INSL6: variants seen among roughly 807,000 people sequenced by gnomAD.
The protein encoded by INSL6 is insulin like 6.
In INSL6, 16 loss-of-function variants were observed where a neutral mutation model predicts 9.4. That is an observed-to-expected ratio of 1.70 (90% confidence interval 1.15 to 2.59). The LOEUF is 2.59. INSL6 is among the 30% of genes most tolerant of loss of function. INSL6 has a pLI of 0.00. For synonymous variants in INSL6, 154 were observed against 96.9 expected, an observed-to-expected ratio of 1.59 and a Z score of -3.46; for missense variants, 391 against 257.3, an observed-to-expected ratio of 1.52 and a Z score of -3.56.
chr9:5,139,808 T>C (rs1309113047), intron 2 of INSL6, among the ~76,000 whole-genome samples: 2 of 152,186 alleles, frequency 1.3e-5, no homozygotes, highest in Non-Finnish European at 2.9e-5. Context: ...TGCTAAATTA[T>C]TTTATTTTTA....
At chr9:5,057,435 T>C in the INSL6 span, among the ~76,000 whole-genome samples, 1 of 152,098 alleles carries the variant, frequency 6.6e-6, no homozygotes, top group Non-Finnish European at 1.5e-5. Flanking sequence ...CATTTTTAAG[T>C]GTACAGTTTA....
At chr9:5,129,112 T>G (rs1349941274) in intron 3 of INSL6, among the ~76,000 whole-genome samples, 7 of 152,066 alleles carry the variant, frequency 4.6e-5, no homozygotes. Context: ...AACTATAACT[T>G]CTGGTATTTA....
chr9:5,104,812 T>C, the INSL6 span, among the ~76,000 whole-genome samples: 3 of 152,170 alleles, frequency 2.0e-5, no homozygotes, highest in South Asian at 4.1e-4. Flanking sequence ...AAAAACCACA[T>C]GATTATTTCA....
the INSL6 span, among the ~76,000 whole-genome samples, chr9:5,106,508 T>C: frequency 6.6e-6 from 1 of 152,184 alleles, no homozygotes; most frequent in Admixed American, 6.5e-5. Flanking sequence ...CTCAAGGATC[T>C]AGAACTAGAA....
downstream of INSL6, among the ~76,000 whole-genome samples, chr9:5,160,576 T>G (rs115927767): frequency 4.6e-5 from 7 of 151,998 alleles, no homozygotes; most frequent in African/African-American, 1.7e-4. Context: ...CCAAAGTTAA[T>G]AGAAGAAAAT....
chr9:5,179,632 G>A (rs1354135895), intron 1 of INSL6, among the ~76,000 whole-genome samples: 2 of 152,188 alleles, frequency 1.3e-5, no homozygotes, highest in African/African-American at 4.8e-5. Flanking sequence ...TAGAAAACTT[G>A]CTACACATAC....
At chr9:5,182,982 C>G (rs991760483) in intron 1 of INSL6, among the ~76,000 whole-genome samples, 5 of 152,112 alleles carry the variant, frequency 3.3e-5, no homozygotes, top group Non-Finnish European at 7.4e-5. Flanking sequence ...TTTTCTGTGT[C>G]AGACTCAAGT....
the INSL6 span, chr9:5,112,336 T>C: frequency 9.3e-6 from 3 of 322,806 alleles, no homozygotes; most frequent in East Asian, 2.2e-4. Flanking sequence ...CCGACCTCTC[T>C]TGGCCTTCCG....
chr9:5,116,439 G>C, the INSL6 span, among the ~76,000 whole-genome samples: 1 of 152,096 alleles, frequency 6.6e-6, no homozygotes, highest in Non-Finnish European at 1.5e-5. Flanking sequence ...TACTTTTAGG[G>C]TATGAGTGAA....
the INSL6 span, among the ~76,000 whole-genome samples, chr9:5,079,664 G>T: frequency 6.6e-6 from 1 of 152,064 alleles, no homozygotes; most frequent in South Asian, 2.1e-4. Context: ...ATTTGGCCAG[G>T]TGCAGTGGCT....
At chr9:5,014,691 T>A in the INSL6 span, among the ~76,000 whole-genome samples, 1 of 152,168 alleles carries the variant, frequency 6.6e-6, no homozygotes, top group Non-Finnish European at 1.5e-5. Context: ...GATTTGTGCA[T>A]TTGATTGTAT....
At chr9:5,078,371 C>G in the INSL6 span, 1 of 1,612,134 alleles carries the variant, frequency 6.2e-7, no homozygotes, top group Non-Finnish European at 8.5e-7. Flanking sequence ...GAGAAGAAGA[C>G]AGGAAGACAG....
At chr9:5,007,347 T>C in the INSL6 span, among the ~76,000 whole-genome samples, 2 of 152,182 alleles carry the variant, frequency 1.3e-5, no homozygotes, top group Non-Finnish European at 2.9e-5. Flanking sequence ...TCTATGAAAA[T>C]ATATTGATTA....
chr9:4,998,431 A>G, the INSL6 span, among the ~76,000 whole-genome samples: 15 of 151,994 alleles, frequency 9.9e-5, no homozygotes, highest in African/African-American at 3.6e-4. Context: ...TAATTTTTGT[A>G]TTTTTAGTAG....
chr9:4,992,421 TG>T, the INSL6 span, among the ~76,000 whole-genome samples: 1 of 152,058 alleles, frequency 6.6e-6, no homozygotes, highest in Non-Finnish European at 1.5e-5. Flanking sequence ...GATGGGGGAG[TG>T]GCAAGTTCAC....
chr9:5,010,288 C>G, the INSL6 span, among the ~76,000 whole-genome samples: 1 of 151,858 alleles, frequency 6.6e-6, no homozygotes, highest in South Asian at 2.1e-4. Flanking sequence ...TAAGCCCTAC[C>G]ATACACCGTT....
chr9:5,048,727 A>G, the INSL6 span, among the ~76,000 whole-genome samples: 2 of 152,218 alleles, frequency 1.3e-5, no homozygotes, highest in African/African-American at 4.8e-5. Flanking sequence ...AAAAGCAAAT[A>G]TACTTTTAAA....
rs141017338 is a variant in INSL6, at chr9:5,126,825, T to C, written c.*11-2314A>G. The stretch of plus-strand genomic sequence containing the variant: ...ACCTTCATTCTGAGACCAAAGTAGA[T>C]TTACAGAACAAAGTTTTATATTTCA... On this transcript the variant is annotated intron_variant, in intron 3 of 3. Coordinates refer to the INSL6 transcript ENST00000649639. 2.9e-5 allele frequency: 38 copies of C among 1,330,574 alleles called. No homozygotes were observed. The East Asian group carries it at 8.5e-4, about 30-fold the overall frequency. The allele number at this position is 1,330,574 out of a possible 1,614,324, so 82.4% of individuals were successfully genotyped here. A position where few individuals can be genotyped will look rare whatever the true frequency, so the allele number is the denominator to read the frequency against.
chr9:5,131,435 A>ATTTTTTTTTTTTTT lies in INSL6; in HGVS notation c.*10+1976_*10+1989dup, dbSNP rs550915336. ...AATTCTTTAACACCACCAGTTAACA[A>ATTTTTTTTTTTTTT]TTTTTTTTTTTTTTTTTTTGAGACA... On this transcript the variant is annotated intron_variant, in intron 3 of 3. Transcript: ENST00000649639. Among the ~76,000 whole-genome samples, 17 of 115,850 alleles carry ATTTTTTTTTTTTTT rather than the reference A, an allele frequency of 1.5e-4. 2 individuals are homozygous for ATTTTTTTTTTTTTT. Among genetic ancestry groups the ATTTTTTTTTTTTTT allele is most frequent in the African/African-American group, 6.0e-4 (15 of 24,910 alleles). 76.0% of individuals were successfully genotyped at this position (115,850 alleles called of 152,430 possible). A position where few individuals can be genotyped will look rare whatever the true frequency, so the allele number is the denominator to read the frequency against.
Sources: allele counts gnomAD v4.1 joint callset (sites outside exome capture counted in the v4.1 genomes callset), GRCh38; gene constraint gnomAD v4.1.1; transcripts MANE v1.5; gene names NCBI Gene and HGNC (gene_info 2026-07-23, HGNC 2026-07-21).